TENM2: variants seen among roughly 807,000 people sequenced by gnomAD.
The protein encoded by TENM2 is teneurin-2.
A neutral mutation model predicts 245.2 loss-of-function variants in TENM2; 52 were observed. That is an observed-to-expected ratio of 0.21 (90% CI 0.17 to 0.27). The LOEUF is 0.27. Among genes scored for constraint, TENM2 ranks in the 10% least tolerant of loss-of-function variants. The probability of loss-of-function intolerance (pLI) is 1.00; values close to 1 mark genes in which losing one functional copy is unlikely to be tolerated. For missense variants in TENM2, 3,046 were observed against 3,666.8 expected (o/e 0.83, Z 4.37); for synonymous variants, 1,363 against 1,438.9 (o/e 0.95, Z 1.19).
At chr5:167,002,619 A>G in the TENM2 span, among the ~76,000 whole-genome samples, 3 of 151,928 alleles carry the variant, frequency 2.0e-5, no homozygotes, top group Non-Finnish European at 4.4e-5. Flanking sequence ...AGCCTGGATA[A>G]CATGGCAGGA....
chr5:168,158,397 C>T (rs988098907), intron 12 of TENM2, among the ~76,000 whole-genome samples: 1 of 151,938 alleles, frequency 6.6e-6, no homozygotes, highest in Non-Finnish European at 1.5e-5. Context: ...ATAGTACGCC[C>T]CGATTGTTTT....
intron 1 of TENM2, among the ~76,000 whole-genome samples, chr5:167,336,161 T>A (rs1260301102): frequency 1.3e-5 from 2 of 150,810 alleles, no homozygotes. Flanking sequence ...TCATCCAATG[T>A]TCTTTTCATT....
chr5:168,188,548 C>T (rs1476521685), intron 13 of TENM2, among the ~76,000 whole-genome samples: 2 of 152,202 alleles, frequency 1.3e-5, no homozygotes, highest in East Asian at 1.9e-4. Flanking sequence ...ATTCAACAAA[C>T]ATCTGTTGAG....
chr5:167,403,002 C>G (rs76512569), intron 2 of TENM2, among the ~76,000 whole-genome samples: 2,842 of 152,214 alleles, frequency 0.019, 35 homozygotes, highest in Middle Eastern at 0.051. Context: ...AAGCTCCAAA[C>G]TGTGCAGCTT....
intron 2 of TENM2, among the ~76,000 whole-genome samples, chr5:167,562,585 G>A (rs959474517): frequency 5.0e-4 from 76 of 152,234 alleles, no homozygotes; most frequent in African/African-American, 1.8e-3. Flanking sequence ...TTTGTAAGAT[G>A]GACCTTTTCT....
At chr5:167,187,167 A>G in the TENM2 span, among the ~76,000 whole-genome samples, 1 of 152,192 alleles carries the variant, frequency 6.6e-6, no homozygotes, top group Admixed American at 6.5e-5. Context: ...CTGTTCTGGT[A>G]GACATCAAAA....
chr5:167,897,800 G>A (rs1561909841), intron 3 of TENM2, among the ~76,000 whole-genome samples: 3 of 151,942 alleles, frequency 2.0e-5, no homozygotes, highest in Non-Finnish European at 4.4e-5. Flanking sequence ...AGCTAAGTAG[G>A]TAGATATAGG....
the TENM2 span, among the ~76,000 whole-genome samples, chr5:167,103,884 A>G: frequency 6.6e-6 from 1 of 151,768 alleles, no homozygotes; most frequent in African/African-American, 2.4e-5. Context: ...GCATGTGTGT[A>G]CACACACACA....
At chr5:167,579,708 C>T (rs936050691) in intron 2 of TENM2, among the ~76,000 whole-genome samples, 1 of 152,168 alleles carries the variant, frequency 6.6e-6, no homozygotes, top group Non-Finnish European at 1.5e-5. Flanking sequence ...TTCTCTGTAC[C>T]TCCCTTTTCT....
At chr5:167,553,042 T>C (rs77699371) in intron 2 of TENM2, among the ~76,000 whole-genome samples, 2,544 of 152,250 alleles carry the variant, frequency 0.017, 42 homozygotes, top group Middle Eastern at 0.031. Flanking sequence ...AAGACATAAT[T>C]ACAAGCTGGG....
At chr5:166,989,977 T>G in the TENM2 span, among the ~76,000 whole-genome samples, 119 of 152,128 alleles carry the variant, frequency 7.8e-4, no homozygotes, top group African/African-American at 2.8e-3. Context: ...CTGCTCATTT[T>G]GAAGTTAAAG....
At position 167,353,759 on chromosome 5, in the gene TENM2, G is replaced by C. The variant is rs373840457; in HGVS notation, c.227-21439G>C. ...CCTGACCTCGTGATCCGCCCGCCTC[G>C]GCCTCCCAAAGTGCTGGGATTACAG... On this transcript the variant is annotated intron_variant, in intron 1 of 28. Transcript: ENST00000518659. Among the ~76,000 whole-genome samples, 7 of 151,872 alleles carry C rather than the reference G, an allele frequency of 4.6e-5. No individual in the cohort carries two copies. In the East Asian group the frequency reaches 9.7e-4, roughly 21 times the overall value.
intron 2 of TENM2, among the ~76,000 whole-genome samples, chr5:167,397,606 T>A (rs973621): frequency 0.62 from 94,744 of 151,976 alleles, 31,891 homozygotes; most frequent in African/African-American, 0.9. Flanking sequence ...TAACAAACCA[T>A]CATGGAAGAG....
intron 2 of TENM2, among the ~76,000 whole-genome samples, chr5:167,757,947 G>A (rs186423811): frequency 8.7e-4 from 132 of 152,290 alleles, no homozygotes; most frequent in Admixed American, 3.0e-3. Context: ...GAGCATTCAA[G>A]TATGCCTTGG....
chr5:168,034,151 G>GTA (rs1308833270), intron 5 of TENM2, among the ~76,000 whole-genome samples: 21 of 101,176 alleles, frequency 2.1e-4, no homozygotes, highest in East Asian at 5.1e-4. Context: ...ATATATATGT[G>GTA]TATATATATA....
intron 2 of TENM2, among the ~76,000 whole-genome samples, chr5:167,445,251 A>G (rs1202609034): frequency 6.6e-6 from 1 of 150,632 alleles, no homozygotes; most frequent in Non-Finnish European, 1.5e-5. Flanking sequence ...GTGTAAGCCA[A>G]TCATGTTTGT....
intron 2 of TENM2, among the ~76,000 whole-genome samples, chr5:167,751,252 A>G (rs1761942686): frequency 6.6e-6 from 1 of 152,180 alleles, no homozygotes; most frequent in African/African-American, 2.4e-5. Context: ...CAAAACAGGA[A>G]GCCAGTGACA....
At chr5:167,832,385 G>A (rs543449200) in intron 2 of TENM2, among the ~76,000 whole-genome samples, 25 of 152,358 alleles carry the variant, frequency 1.6e-4, no homozygotes, top group East Asian at 5.8e-4. Flanking sequence ...TGTCTGTGTA[G>A]ACCATGTGAA....
At chr5:167,620,829 C>T (rs903235474) in intron 2 of TENM2, among the ~76,000 whole-genome samples, 2 of 151,960 alleles carry the variant, frequency 1.3e-5, no homozygotes, top group Admixed American at 6.6e-5. Context: ...TCCCCATCCC[C>T]GATTTTCCCA....
Sources: gnomAD v4.1 joint callset for allele counts (sites outside exome capture counted in the v4.1 genomes callset) on GRCh38, gnomAD v4.1.1 for gene constraint, MANE v1.5 for transcripts, NCBI Gene and HGNC (gene_info 2026-07-23, HGNC 2026-07-21) for gene names.